FTO: variants seen among roughly 807,000 people sequenced by gnomAD.
FTO encodes FTO alpha-ketoglutarate dependent dioxygenase.
A neutral mutation model predicts 63.9 loss-of-function variants in FTO; 47 were observed. The observed-to-expected ratio is 0.74, with a 90% CI of 0.58 to 0.94. The LOEUF (loss-of-function observed/expected upper bound fraction) is 0.94, where lower values mean the gene tolerates loss of function less well. Among genes scored for constraint, FTO ranks in the 40% least tolerant of loss-of-function variants. FTO has a pLI of 0.00. For synonymous variants in FTO, 207 were observed against 224.4 expected, an observed-to-expected ratio of 0.92 and a Z score of 0.69; for missense variants, 562 against 618.1, an observed-to-expected ratio of 0.91 and a Z score of 0.96.
At chr16:53,893,198 C>T (rs546085683) in intron 7 of FTO, among the ~76,000 whole-genome samples, 4 of 152,200 alleles carry the variant, frequency 2.6e-5, no homozygotes, top group Non-Finnish European at 4.4e-5. Context: ...TTCTTATAAC[C>T]CAGGAATTTA....
intron 8 of FTO, among the ~76,000 whole-genome samples, chr16:54,048,868 C>T (rs960684381): frequency 6.6e-6 from 1 of 152,158 alleles, no homozygotes; most frequent in Non-Finnish European, 1.5e-5. Context: ...TCATTTCCTA[C>T]CCCCTTTTAA....
chr16:54,093,729 G>C (rs2086450070), intron 8 of FTO, among the ~76,000 whole-genome samples: 1 of 152,160 alleles, frequency 6.6e-6, no homozygotes, highest in African/African-American at 2.4e-5. Flanking sequence ...AAAGCATCTG[G>C]GATCCGCAGT....
At chr16:53,924,588 G>T (rs2082092960) in intron 7 of FTO, among the ~76,000 whole-genome samples, 1 of 151,592 alleles carries the variant, frequency 6.6e-6, no homozygotes, top group Non-Finnish European at 1.5e-5. Flanking sequence ...CTGCTTTCCT[G>T]GGTGAGTAGA....
At chr16:54,093,450 G>T (rs2086442736) in intron 8 of FTO, among the ~76,000 whole-genome samples, 1 of 152,220 alleles carries the variant, frequency 6.6e-6, no homozygotes, top group Non-Finnish European at 1.5e-5. Flanking sequence ...TCCCTGGCAG[G>T]CCGGGCACGG....
chr16:53,928,328 G>A (rs758661337), intron 7 of FTO, among the ~76,000 whole-genome samples: 22 of 152,134 alleles, frequency 1.4e-4, no homozygotes, highest in Non-Finnish European at 2.5e-4. Context: ...GGGAGGAGGG[G>A]AGGGAGAATG....
chr16:54,105,131 AT>A (rs1312709703), intron 8 of FTO, among the ~76,000 whole-genome samples: 3 of 152,210 alleles, frequency 2.0e-5, no homozygotes, highest in Non-Finnish European at 4.4e-5. Flanking sequence ...CACCCAGGGA[AT>A]ATATTAATAA....
chr16:53,738,861 G>A (rs2076455087), intron 1 of FTO, among the ~76,000 whole-genome samples: 1 of 151,866 alleles, frequency 6.6e-6, no homozygotes, highest in Non-Finnish European at 1.5e-5. Context: ...TTTTTTTTGA[G>A]ATAGGGTCTC....
At chr16:53,845,169 G>C (rs537300934) in intron 4 of FTO, among the ~76,000 whole-genome samples, 2 of 152,264 alleles carry the variant, frequency 1.3e-5, no homozygotes, top group South Asian at 2.1e-4. Flanking sequence ...TACTCACAAA[G>C]CTTCTCAGGG....
intron 8 of FTO, among the ~76,000 whole-genome samples, chr16:54,034,574 G>C (rs1433011602): frequency 2.0e-5 from 3 of 152,096 alleles, no homozygotes; most frequent in Admixed American, 6.5e-5. Flanking sequence ...TCACACGTGG[G>C]GAATGAACTG....
chr16:53,799,783 T>G (rs747013361), intron 1 of FTO, among the ~76,000 whole-genome samples: 4 of 152,198 alleles, frequency 2.6e-5, no homozygotes, highest in Non-Finnish European at 5.9e-5. Flanking sequence ...TCTTCTTGAG[T>G]GAACCTAGGT....
chr16:53,864,157 G>A (rs1023752789), intron 4 of FTO, among the ~76,000 whole-genome samples: 1 of 152,220 alleles, frequency 6.6e-6, no homozygotes, highest in Non-Finnish European at 1.5e-5. Context: ...TTAAGATTGA[G>A]AGATGAGAAT....
At chr16:54,003,603 G>T (rs1025992464) in intron 8 of FTO, among the ~76,000 whole-genome samples, 1 of 152,054 alleles carries the variant, frequency 6.6e-6, no homozygotes, top group Non-Finnish European at 1.5e-5. Flanking sequence ...TGATCCTCCA[G>T]CCTCAGCCTC....
At chr16:54,035,345 T>C (rs1397809666) in intron 8 of FTO, among the ~76,000 whole-genome samples, 2 of 152,208 alleles carry the variant, frequency 1.3e-5, no homozygotes, top group East Asian at 1.9e-4. Flanking sequence ...GGCCCCTCAG[T>C]TTGGTTGAGG....
intron 2 of FTO, among the ~76,000 whole-genome samples, chr16:53,811,419 C>T (rs2078517755): frequency 6.6e-6 from 1 of 152,138 alleles, no homozygotes; most frequent in South Asian, 2.1e-4. Flanking sequence ...AAGGACTTTA[C>T]CCATCTAGAA....
intron 4 of FTO, among the ~76,000 whole-genome samples, chr16:53,853,589 C>G (rs1342903573): frequency 6.6e-6 from 1 of 152,094 alleles, no homozygotes; most frequent in Non-Finnish European, 1.5e-5. Context: ...TTGTCCATTC[C>G]TGAGTTACTT....
At chr16:53,869,963 C>A (rs948458794) in intron 4 of FTO, among the ~76,000 whole-genome samples, 2 of 152,086 alleles carry the variant, frequency 1.3e-5, no homozygotes, top group African/African-American at 4.8e-5. Flanking sequence ...ATAAGAGGAA[C>A]TGCAGTAATA....
At chr16:53,730,780 A>G (rs904008496) in intron 1 of FTO, among the ~76,000 whole-genome samples, 4 of 152,170 alleles carry the variant, frequency 2.6e-5, no homozygotes, top group African/African-American at 9.7e-5. Context: ...TACAGGCATG[A>G]GCCACCGAGC....
intron 8 of FTO, among the ~76,000 whole-genome samples, chr16:53,971,247 A>G (rs896116998): frequency 1.3e-5 from 2 of 152,188 alleles, no homozygotes; most frequent in African/African-American, 4.8e-5. Flanking sequence ...ATATTTGCTT[A>G]TACCGCTTTC....
intron 8 of FTO, among the ~76,000 whole-genome samples, chr16:53,971,863 G>A (rs1420974137): frequency 2.0e-5 from 3 of 152,260 alleles, no homozygotes; most frequent in Non-Finnish European, 2.9e-5. Flanking sequence ...TCCCATCCGC[G>A]CTGTTCTATG....
Sources: allele counts gnomAD v4.1 joint callset (sites outside exome capture counted in the v4.1 genomes callset), GRCh38; gene constraint gnomAD v4.1.1; transcripts MANE v1.5; gene names NCBI Gene and HGNC (gene_info 2026-07-23, HGNC 2026-07-21).